The following KHDRBS2 variants were observed in gnomAD, a reference collection of about 807,000 sequenced individuals.
KHDRBS2 encodes KH domain-containing, RNA-binding, signal transduction-associated protein 2.
KHDRBS2 carries 26 observed loss-of-function variants against 44.3 expected under a neutral mutation model. The ratio of observed to expected loss-of-function variants is 0.59; its 90% CI spans 0.43 to 0.81. The LOEUF is 0.81. KHDRBS2 is among the 40% of genes least tolerant of loss of function. KHDRBS2 has a pLI of 0.00. For missense variants in KHDRBS2, 476 were observed against 433.1 expected (o/e 1.10, Z -0.88); for synonymous variants, 194 against 151.1 (o/e 1.28, Z -2.08).
chr6:61,810,133 G>A (rs1329997896), intron 6 of KHDRBS2, among the ~76,000 whole-genome samples: 3 of 152,070 alleles, frequency 2.0e-5, no homozygotes, highest in African/African-American at 7.2e-5. Flanking sequence ...GTTTCTCAGT[G>A]TGACTGTGAT....
chr6:61,812,450 A>G (rs1788263286), intron 6 of KHDRBS2, among the ~76,000 whole-genome samples: 1 of 152,108 alleles, frequency 6.6e-6, no homozygotes, highest in Non-Finnish European at 1.5e-5. Context: ...ATCTGTTTTA[A>G]TCTTTCCAAC....
At chr6:62,278,954 C>A (rs1039066667) in intron 1 of KHDRBS2, among the ~76,000 whole-genome samples, 8 of 151,958 alleles carry the variant, frequency 5.3e-5, no homozygotes, top group African/African-American at 1.9e-4. Flanking sequence ...ATTAGCCAGG[C>A]GTGGTGGCGG....
chr6:61,819,997 G>A (rs1440597054), intron 6 of KHDRBS2, among the ~76,000 whole-genome samples: 1 of 151,976 alleles, frequency 6.6e-6, no homozygotes, highest in African/African-American at 2.4e-5. Flanking sequence ...TTTATTTTCA[G>A]GTAAGGCACA....
At chr6:61,886,605 C>T (rs1342061981) in intron 6 of KHDRBS2, among the ~76,000 whole-genome samples, 2 of 151,956 alleles carry the variant, frequency 1.3e-5, no homozygotes, top group African/African-American at 2.4e-5. Flanking sequence ...ATAACCTTTT[C>T]CCCCAAATAT....
chr6:62,274,625 C>CA (rs1840624822), intron 1 of KHDRBS2, among the ~76,000 whole-genome samples: 1 of 152,072 alleles, frequency 6.6e-6, no homozygotes, highest in South Asian at 2.1e-4. Flanking sequence ...ACAGCTGCTT[C>CA]ATCACTGAAT....
At chr6:61,641,260 A>G in the KHDRBS2 span, among the ~76,000 whole-genome samples, 2 of 152,134 alleles carry the variant, frequency 1.3e-5, no homozygotes, top group Non-Finnish European at 2.9e-5. Flanking sequence ...TACAGCAGTT[A>G]GCATGCCACT....
intron 1 of KHDRBS2, among the ~76,000 whole-genome samples, chr6:62,236,603 G>C (rs180674786): frequency 4.6e-4 from 70 of 152,052 alleles, no homozygotes; most frequent in Non-Finnish European, 8.2e-4. Flanking sequence ...TCTAACACTA[G>C]CCTTATCACA....
chr6:61,643,353 T>A, the KHDRBS2 span, among the ~76,000 whole-genome samples: 1 of 152,088 alleles, frequency 6.6e-6, no homozygotes, highest in African/African-American at 2.4e-5. Context: ...ACAGCTGACA[T>A]CATACAGAAT....
intron 1 of KHDRBS2, among the ~76,000 whole-genome samples, chr6:62,229,279 TCG>T (rs1832476288): frequency 6.6e-6 from 1 of 152,080 alleles, no homozygotes; most frequent in African/African-American, 2.4e-5. Context: ...GAAGGGGCAC[TCG>T]GTCTACAGTA....
the KHDRBS2 span, among the ~76,000 whole-genome samples, chr6:61,660,064 TC>T: frequency 1.3e-5 from 2 of 151,834 alleles, no homozygotes; most frequent in South Asian, 4.1e-4. Context: ...TAATTTCTCA[TC>T]CCTACTGGGA....
Position 61,697,217 on chromosome 6 carries a change from A to T in KHDRBS2, c.930T>A (p.Ser310Arg). The change falls in exon 8 of 9, where the codon AGT becomes AGA. Residue 310 changes from serine to arginine, a missense_variant. Physicochemically the swap from Ser to Arg is moderately radical, Grantham distance 110. Coordinates refer to ENST00000281156, the MANE Select transcript of KHDRBS2 (RefSeq NM_152688.4). ...TACCGTAGCTGTCATAGGCATCCTC[A>T]CTTACTCCATGACCGTAGTCATAGT... ...PEYYDYGHGV[S>R]EDAYDSYAPE... The T allele has an allele frequency of 1.2e-6, 2 of 1,610,056 alleles. No individual in the cohort carries two copies. Among genetic ancestry groups the T allele is most frequent in the Non-Finnish European group, 1.7e-6 (2 of 1,176,408 alleles).
At chr6:61,848,561 A>G (rs9767521) in intron 6 of KHDRBS2, among the ~76,000 whole-genome samples, 605 of 38,402 alleles carry the variant, frequency 0.016, 45 homozygotes, top group African/African-American at 0.065. Context: ...ACATATATAT[A>G]TGTATATATA....
chr6:61,675,188 T>A (rs1283912201), downstream of KHDRBS2, among the ~76,000 whole-genome samples: 3 of 151,770 alleles, frequency 2.0e-5, no homozygotes, highest in Non-Finnish European at 4.4e-5. Context: ...AGTTACATTT[T>A]AAAAAAGCAT....
chr6:62,049,994 T>C (rs756507296), intron 2 of KHDRBS2, among the ~76,000 whole-genome samples: 13 of 152,074 alleles, frequency 8.5e-5, no homozygotes, highest in Middle Eastern at 3.2e-3. Flanking sequence ...TGCACACTTA[T>C]GTTTATTGCA....
downstream of KHDRBS2, among the ~76,000 whole-genome samples, chr6:61,676,347 T>C (rs1050291940): frequency 6.6e-6 from 1 of 151,880 alleles, no homozygotes; most frequent in Non-Finnish European, 1.5e-5. Flanking sequence ...AACTTAAGTC[T>C]CCATTCCGCT....
At chr6:61,671,140 A>T in the KHDRBS2 span, among the ~76,000 whole-genome samples, 1 of 151,690 alleles carries the variant, frequency 6.6e-6, no homozygotes, top group Non-Finnish European at 1.5e-5. Flanking sequence ...ACAAAAGACA[A>T]TGAGACAGAA....
chr6:62,256,097 T>C (rs946159922), intron 1 of KHDRBS2, among the ~76,000 whole-genome samples: 3 of 151,528 alleles, frequency 2.0e-5, no homozygotes, highest in Admixed American at 1.3e-4. Flanking sequence ...ATCACACCAC[T>C]GCACTCCAAC....
intron 1 of KHDRBS2, among the ~76,000 whole-genome samples, chr6:62,201,671 T>G (rs1442992401): frequency 6.6e-6 from 1 of 152,064 alleles, no homozygotes; most frequent in Non-Finnish European, 1.5e-5. Flanking sequence ...GTTAGAAGAA[T>G]AAAATAATTT....
At chr6:62,204,929 C>T (rs186749304) in intron 1 of KHDRBS2, among the ~76,000 whole-genome samples, 87 of 152,086 alleles carry the variant, frequency 5.7e-4, no homozygotes, top group African/African-American at 1.7e-3. Flanking sequence ...ATTCAAGGGT[C>T]AACAGTATGT....
Sources: gnomAD v4.1 joint callset for allele counts (sites outside exome capture counted in the v4.1 genomes callset) on GRCh38, gnomAD v4.1.1 for gene constraint, MANE v1.5 for transcripts, NCBI Gene and HGNC (gene_info 2026-07-23, HGNC 2026-07-21) for gene names.